MALT1: variants seen among roughly 807,000 people sequenced by gnomAD.
MALT1 encodes the protein MALT1 paracaspase.
In MALT1, 36 loss-of-function variants were observed where a neutral mutation model predicts 85.5. The observed-to-expected ratio is 0.42, with a 90% CI of 0.32 to 0.56. The LOEUF is 0.56. Ranked by LOEUF, MALT1 falls within the 20% of genes least tolerant of loss-of-function variation. MALT1 has a pLI of 0.10. For missense variants in MALT1, 716 were observed against 981.6 expected (o/e 0.73, Z 3.62); for synonymous variants, 359 against 361.3 (o/e 0.99, Z 0.07).
chr18:58,678,577 C>T lies in MALT1; in HGVS notation c.210-2593C>T, dbSNP rs575262880. Among the ~76,000 whole-genome samples the T allele has an allele frequency of 7.2e-5, 11 of 152,096 alleles. No homozygotes were observed. In the South Asian group the frequency reaches 1.5e-3, roughly 20 times the overall value. Reference sequence around the variant, plus strand: ...TTCATGCTCATGAAGAAAAGCTCACCGTTCTAAGGTGAAATTATGTGAGAT... The same window carrying T: ...TTCATGCTCATGAAGAAAAGCTCACTGTTCTAAGGTGAAATTATGTGAGAT... On this transcript the variant is annotated intron_variant, in intron 1 of 16. Transcript: ENST00000649217.
intron 8 of MALT1, among the ~76,000 whole-genome samples, chr18:58,715,024 C>T (rs986287718): frequency 6.6e-6 from 1 of 152,106 alleles, no homozygotes; most frequent in Non-Finnish European, 1.5e-5. Context: ...AGCAGAAAGT[C>T]CCCATTACCT....
intron 2 of MALT1, among the ~76,000 whole-genome samples, chr18:58,684,251 ACT>A (rs2054364991): frequency 6.6e-6 from 1 of 151,544 alleles, no homozygotes; most frequent in Non-Finnish European, 1.5e-5. Flanking sequence ...CCACTTGTGC[ACT>A]GTTTCTGTGA....
chr18:58,703,821 G>A (rs2054708294), intron 4 of MALT1, among the ~76,000 whole-genome samples: 1 of 152,140 alleles, frequency 6.6e-6, no homozygotes, highest in African/African-American at 2.4e-5. Context: ...TTATTAAGGG[G>A]TAATTTATAT....
intron 13 of MALT1, among the ~76,000 whole-genome samples, chr18:58,737,744 G>A (rs1056983311): frequency 5.9e-5 from 9 of 152,058 alleles, no homozygotes; most frequent in East Asian, 1.9e-4. Flanking sequence ...CACCACGTCC[G>A]GCTAATTTTT....
intron 4 of MALT1, 86 bp downstream of exon 4, chr18:58,700,677 A>C (rs1325495260): frequency 1.6e-6 from 2 of 1,243,110 alleles, no homozygotes; most frequent in East Asian, 5.8e-5. Flanking sequence ...ACAATTTCAA[A>C]GTATCAAAAA....
At chr18:58,698,525 C>T (rs1008392589) in intron 3 of MALT1, among the ~76,000 whole-genome samples, 1 of 152,090 alleles carries the variant, frequency 6.6e-6, no homozygotes, top group Non-Finnish European at 1.5e-5. Context: ...TAGAGAGAGT[C>T]AACTAAGCTG....
chr18:58,694,571 T>G (rs2054561033), intron 2 of MALT1, among the ~76,000 whole-genome samples: 1 of 152,268 alleles, frequency 6.6e-6, no homozygotes, highest in Non-Finnish European at 1.5e-5. Context: ...CTAACCCAGT[T>G]TTATTAATTA....
At chr18:58,705,289 C>CATGT (rs377158497) in intron 4 of MALT1, among the ~76,000 whole-genome samples, 1 of 147,106 alleles carries the variant, frequency 6.8e-6, no homozygotes, top group Non-Finnish European at 1.5e-5. Flanking sequence ...TGTAAAAGTA[C>CATGT]GTGTGTGTGT....
chr18:58,731,220 T>C (rs1057070857), intron 10 of MALT1, among the ~76,000 whole-genome samples: 18 of 152,236 alleles, frequency 1.2e-4, no homozygotes, highest in African/African-American at 4.3e-4. Context: ...CCCAAAGTGC[T>C]GGGATTACAG....
At chr18:58,742,535 C>A (rs894003262) in intron 14 of MALT1, among the ~76,000 whole-genome samples, 2 of 152,052 alleles carry the variant, frequency 1.3e-5, no homozygotes, top group Non-Finnish European at 2.9e-5. Flanking sequence ...GGCAAAACCT[C>A]GTCTCTACTA....
At chr18:58,707,946 G>A (rs1248513197) in intron 4 of MALT1, among the ~76,000 whole-genome samples, 2 of 152,182 alleles carry the variant, frequency 1.3e-5, no homozygotes, top group African/African-American at 4.8e-5. Context: ...CAAACTGCAA[G>A]AGATCTCTCT....
intron 1 of MALT1, among the ~76,000 whole-genome samples, chr18:58,680,665 TAATCATGGGACACTTGGG>T (rs2054306247): frequency 1.3e-5 from 2 of 152,292 alleles, no homozygotes; most frequent in East Asian, 3.9e-4. Flanking sequence ...CCTGATTTAA[TAATCATGGGACACTTGGG>T]GAGGCCGAGG....
At chr18:58,675,309 T>A (rs1185179867) in intron 1 of MALT1, 2 of 152,254 alleles carry the variant, frequency 1.3e-5, no homozygotes, top group Non-Finnish European at 2.9e-5. Context: ...AAACAGTCAT[T>A]GCATACCTGC....
At chr18:58,707,685 G>T (rs981657223) in intron 4 of MALT1, among the ~76,000 whole-genome samples, 1 of 152,086 alleles carries the variant, frequency 6.6e-6, no homozygotes, top group Non-Finnish European at 1.5e-5. Flanking sequence ...TAACATATGA[G>T]ATTAACATAT....
intron 13 of MALT1, among the ~76,000 whole-genome samples, chr18:58,737,428 G>A (rs1257250156): frequency 6.7e-6 from 1 of 149,900 alleles, no homozygotes; most frequent in Non-Finnish European, 1.5e-5. Context: ...ACTGTAGTAA[G>A]TATGACCACA....
At chr18:58,682,657 G>T (rs1470193711) in intron 2 of MALT1, among the ~76,000 whole-genome samples, 2 of 152,200 alleles carry the variant, frequency 1.3e-5, no homozygotes, top group African/African-American at 4.8e-5. Flanking sequence ...TTGAAGCCAG[G>T]AGTGGAGTTG....
chr18:58,734,150 G>T, intron 11 of MALT1, 157 bp from the exon 12 acceptor site: 1 of 1,217,868 alleles, frequency 8.2e-7, no homozygotes, highest in Non-Finnish European at 1.1e-6. Context: ...GGTTATTTTG[G>T]GTAGATATGT....
intron 4 of MALT1, among the ~76,000 whole-genome samples, chr18:58,707,507 T>C (rs1361756164): frequency 6.6e-6 from 1 of 152,152 alleles, no homozygotes; most frequent in African/African-American, 2.4e-5. Flanking sequence ...ACACATGCCA[T>C]GGTGGTTTGC....
At position 58,747,976 on chromosome 18, in the gene MALT1, CTT is replaced by C; in HGVS notation, c.*135_*136del. The C allele has an allele frequency of 1.5e-6, 1 of 655,426 alleles. No individual in the cohort carries two copies. Among genetic ancestry groups the C allele is most frequent in the South Asian group, 1.9e-5 (1 of 53,124 alleles). 40.6% of individuals were successfully genotyped at this position (655,426 alleles called of 1,614,324 possible). On this transcript the variant is annotated 3_prime_UTR_variant, in exon 17 of 17. Transcript: ENST00000649217. ...ATAGTAGTAACTGTTTCATAGCAAA[CTT>C]CAGGACTTTGAGATGTTGAAATTAC... is the stretch of plus-strand genomic sequence containing the variant.
Sources: allele counts gnomAD v4.1 joint callset (sites outside exome capture counted in the v4.1 genomes callset), GRCh38; gene constraint gnomAD v4.1.1; transcripts MANE v1.5; gene names NCBI Gene and HGNC (gene_info 2026-07-23, HGNC 2026-07-21).